The following PATJ variants were observed in gnomAD, a reference collection of about 807,000 sequenced individuals.
PATJ encodes inaD-like protein.
In PATJ, 190 loss-of-function variants were observed where a neutral mutation model predicts 224.9. The observed-to-expected ratio is 0.84, with a 90% CI of 0.75 to 0.95. PATJ has a LOEUF of 0.95. Among genes scored for constraint, PATJ ranks in the 40% least tolerant of loss-of-function variants. The pLI is 0.00. For missense variants in PATJ, 2,121 were observed against 2,270.3 expected (o/e 0.93, Z 1.34); for synonymous variants, 769 against 820.3 (o/e 0.94, Z 1.07).
intron 20 of PATJ, among the ~76,000 whole-genome samples, chr1:61,871,485 G>A (rs200472054): frequency 5.0e-5 from 5 of 100,174 alleles, no homozygotes; most frequent in Admixed American, 2.3e-4. Flanking sequence ...ATATATATGT[G>A]TATATATGTA....
chr1:61,955,273 C>T (rs908082321), intron 27 of PATJ, among the ~76,000 whole-genome samples: 29 of 152,032 alleles, frequency 1.9e-4, no homozygotes, highest in African/African-American at 6.5e-4. Context: ...TAATACAGCC[C>T]TAAGGTTAAG....
At chr1:61,745,556 G>A (rs900912649) in intron 1 of PATJ, among the ~76,000 whole-genome samples, 2 of 151,096 alleles carry the variant, frequency 1.3e-5, no homozygotes, top group African/African-American at 4.9e-5. Context: ...TTACAGGCGT[G>A]AGTCACTGCA....
In PATJ at chr1:62,018,223, T is replaced by C. The variant is rs41313385; in HGVS notation, c.3959+276T>C. Reference sequence around the variant, plus strand: ...TCCCTTTCTGGATCCATTTTTCCTGTATATAAATATAATGAAACCTGCTAA... The same window carrying C: ...TCCCTTTCTGGATCCATTTTTCCTGCATATAAATATAATGAAACCTGCTAA... On this transcript the variant is annotated intron_variant, in intron 29 of 43. Coordinates refer to ENST00000642238, the MANE Select transcript of PATJ (RefSeq NM_001350145.3). This position sits in a 1 kb window ranked among gnomAD's most constrained non-coding sequence, Gnocchi z 4.2. 6.6e-6 allele frequency among the ~76,000 whole-genome samples: 1 copy of C among 152,370 alleles called. No homozygotes were observed. Among genetic ancestry groups the C allele is most frequent in the Non-Finnish European group, 1.5e-5 (1 of 68,046 alleles).
chr1:61,775,444 AT>A (rs1646861100), intron 7 of PATJ, 110 bp downstream of exon 7: 4 of 880,186 alleles, frequency 4.5e-6, no homozygotes, highest in Non-Finnish European at 7.0e-6. Flanking sequence ...AATAACAAGA[AT>A]TTAAGTATAG....
chr1:61,877,606 T>G (rs10889261), intron 21 of PATJ, among the ~76,000 whole-genome samples: 5 of 151,728 alleles, frequency 3.3e-5, no homozygotes, highest in African/African-American at 7.3e-5. Context: ...TGCGCATGCT[T>G]TCTCTCCTAC....
At chr1:61,972,413 A>T (rs1051283195) in intron 27 of PATJ, among the ~76,000 whole-genome samples, 1 of 152,028 alleles carries the variant, frequency 6.6e-6, no homozygotes, top group Non-Finnish European at 1.5e-5. Context: ...GTTCTTTCTC[A>T]TAATACTATT....
At chr1:62,004,218 A>G (rs1645962020) in intron 28 of PATJ, among the ~76,000 whole-genome samples, 1 of 152,356 alleles carries the variant, frequency 6.6e-6, no homozygotes, top group South Asian at 2.1e-4. Flanking sequence ...CTGACTAAAT[A>G]AAGTCATTTC....
chr1:61,997,981 C>T (rs1645478156), intron 28 of PATJ, among the ~76,000 whole-genome samples: 1 of 78,642 alleles, frequency 1.3e-5, no homozygotes, highest in Non-Finnish European at 2.6e-5. Flanking sequence ...CTGTGCCCAG[C>T]TTATATATGT....
At chr1:62,005,223 C>G (rs997914277) in intron 28 of PATJ, among the ~76,000 whole-genome samples, 1 of 151,772 alleles carries the variant, frequency 6.6e-6, no homozygotes, top group Non-Finnish European at 1.5e-5. Flanking sequence ...GCAGCCTCCA[C>G]CTCCAGAATT....
intron 27 of PATJ, among the ~76,000 whole-genome samples, chr1:61,956,640 G>A (rs1557940303): frequency 6.6e-6 from 1 of 152,180 alleles, no homozygotes; most frequent in Admixed American, 6.5e-5. Flanking sequence ...GATTATACCT[G>A]CAGGGATAAA....
intron 27 of PATJ, among the ~76,000 whole-genome samples, chr1:61,941,048 A>C (rs1254440553): frequency 6.6e-6 from 1 of 152,196 alleles, no homozygotes; most frequent in African/African-American, 2.4e-5. Flanking sequence ...ATGCCATAGA[A>C]GCAATTGTAT....
chr1:61,950,021 T>C (rs1679394215), intron 27 of PATJ, among the ~76,000 whole-genome samples: 1 of 152,140 alleles, frequency 6.6e-6, no homozygotes, highest in African/African-American at 2.4e-5. Context: ...CTGACCAACA[T>C]GGTGAAACCC....
chr1:62,054,401 C>T (rs1470822406), intron 31 of PATJ: 14 of 417,394 alleles, frequency 3.4e-5, no homozygotes, highest in South Asian at 2.0e-4. Flanking sequence ...GAGGCTAAGC[C>T]GTGGCCTATG....
intron 14 of PATJ, among the ~76,000 whole-genome samples, chr1:61,808,756 C>G (rs1654092941): frequency 6.6e-6 from 1 of 151,974 alleles, no homozygotes; most frequent in Non-Finnish European, 1.5e-5. Flanking sequence ...GTGCTGTGAC[C>G]TAAAGTTTCC....
chr1:62,044,007 T>C (rs1481536530), intron 30 of PATJ, among the ~76,000 whole-genome samples: 1 of 152,068 alleles, frequency 6.6e-6, no homozygotes, highest in East Asian at 1.9e-4. Flanking sequence ...ATTACAGGAG[T>C]GAGCCACTGC....
At chr1:61,828,249 A>G (rs1184133572) in intron 16 of PATJ, among the ~76,000 whole-genome samples, 4 of 152,044 alleles carry the variant, frequency 2.6e-5, no homozygotes, top group African/African-American at 9.7e-5. Context: ...ATCTCAAAAA[A>G]AAAAAAAAAG....
chr1:61,821,484 G>T (rs1332664010), intron 14 of PATJ, among the ~76,000 whole-genome samples: 1 of 152,174 alleles, frequency 6.6e-6, no homozygotes, highest in Non-Finnish European at 1.5e-5. Context: ...TCATGTGCGT[G>T]TTGAGGTCTT....
chr1:61,776,860 G>A (rs1409325468), intron 7 of PATJ, among the ~76,000 whole-genome samples: 1 of 151,918 alleles, frequency 6.6e-6, no homozygotes, highest in Non-Finnish European at 1.5e-5. Flanking sequence ...CGAGTAGCTG[G>A]GATTATAGGT....
chr1:61,783,858 C>T (rs191119832), intron 7 of PATJ, among the ~76,000 whole-genome samples: 2 of 151,560 alleles, frequency 1.3e-5, no homozygotes, highest in African/African-American at 2.4e-5. Flanking sequence ...AGTCTTGTGC[C>T]TCAGCCTCCC....
Sources: gnomAD v4.1 joint callset for allele counts (sites outside exome capture counted in the v4.1 genomes callset) on GRCh38, gnomAD v4.1.1 for gene constraint, Gnocchi (gnomAD v3.1) non-coding constraint, MANE v1.5 for transcripts, NCBI Gene and HGNC (gene_info 2026-07-23, HGNC 2026-07-21) for gene names.